PTPRT: variants seen among roughly 807,000 people sequenced by gnomAD.
The protein encoded by PTPRT is protein tyrosine phosphatase receptor type T, also known as receptor-type tyrosine-protein phosphatase T.
A neutral mutation model predicts 176.8 loss-of-function variants in PTPRT; 56 were observed. The observed-to-expected ratio is 0.32, with a 90% CI of 0.26 to 0.40. The LOEUF is 0.40. PTPRT is among the 10% of genes least tolerant of loss of function. PTPRT has a pLI of 1.00. For synonymous variants in PTPRT, 783 were observed against 739.0 expected (o/e 1.06, Z -0.96); for missense variants, 1,540 against 1,908.2 (o/e 0.81, Z 3.60).
chr20:42,402,666 G>C (rs542429789), intron 9 of PTPRT, among the ~76,000 whole-genome samples: 2 of 152,128 alleles, frequency 1.3e-5, no homozygotes, highest in South Asian at 4.2e-4. Flanking sequence ...TCAACAGTCT[G>C]GCTTCCAACA....
At chr20:42,257,806 G>A (rs1463495562) in intron 13 of PTPRT, among the ~76,000 whole-genome samples, 1 of 151,840 alleles carries the variant, frequency 6.6e-6, no homozygotes, top group African/African-American at 2.4e-5. Context: ...AGCCAATGAA[G>A]CCTCTTTTCT....
intron 16 of PTPRT, among the ~76,000 whole-genome samples, chr20:42,175,817 G>A (rs1349910387): frequency 1.3e-5 from 2 of 152,016 alleles, no homozygotes; most frequent in Non-Finnish European, 2.9e-5. Flanking sequence ...TGGATAGATG[G>A]GAAGATAGGT....
chr20:43,165,758 T>C (rs1600764669), intron 1 of PTPRT, among the ~76,000 whole-genome samples: 1 of 152,298 alleles, frequency 6.6e-6, no homozygotes, highest in Middle Eastern at 3.4e-3. Context: ...TGGTCTGACT[T>C]ACGTTTTTAA....
intron 12 of PTPRT, among the ~76,000 whole-genome samples, chr20:42,303,637 T>C (rs898832068): frequency 1.2e-4 from 19 of 152,178 alleles, no homozygotes; most frequent in African/African-American, 4.6e-4. Context: ...TGAGAATACA[T>C]ATAGTGCCAA....
chr20:42,492,221 G>C (rs1568926249), intron 7 of PTPRT, among the ~76,000 whole-genome samples: 1 of 152,086 alleles, frequency 6.6e-6, no homozygotes, highest in African/African-American at 2.4e-5. Flanking sequence ...ATAATTGCTG[G>C]ATCATATAGT....
intron 7 of PTPRT, among the ~76,000 whole-genome samples, chr20:42,499,180 T>A (rs2071706012): frequency 6.6e-6 from 1 of 152,194 alleles, no homozygotes; most frequent in Admixed American, 6.5e-5. Context: ...ACTGTACTAC[T>A]GTGGCAATTT....
At chr20:42,605,578 G>A (rs1217481121) in intron 7 of PTPRT, among the ~76,000 whole-genome samples, 2 of 152,204 alleles carry the variant, frequency 1.3e-5, no homozygotes, top group Non-Finnish European at 2.9e-5. Context: ...ATCCAAATAT[G>A]CTTCATACCT....
intron 15 of PTPRT, among the ~76,000 whole-genome samples, chr20:42,210,274 C>T (rs1456438012): frequency 6.6e-6 from 1 of 152,168 alleles, no homozygotes; most frequent in Non-Finnish European, 1.5e-5. Context: ...TCCTATTCAA[C>T]ACAGTGTTGG....
intron 7 of PTPRT, among the ~76,000 whole-genome samples, chr20:42,648,305 C>G (rs1052739150): frequency 6.6e-6 from 1 of 152,102 alleles, no homozygotes; most frequent in African/African-American, 2.4e-5. Flanking sequence ...GGTGCTTTGT[C>G]CTTACTCTAC....
intron 12 of PTPRT, among the ~76,000 whole-genome samples, chr20:42,298,163 A>C (rs1194787873): frequency 6.6e-6 from 1 of 152,226 alleles, no homozygotes; most frequent in Non-Finnish European, 1.5e-5. Context: ...TGATAGAAAA[A>C]GTAAAAAACA....
At chr20:42,060,066 T>C in the PTPRT span, among the ~76,000 whole-genome samples, 1 of 152,190 alleles carries the variant, frequency 6.6e-6, no homozygotes, top group Non-Finnish European at 1.5e-5. Context: ...CTTGTTTGGC[T>C]TGGCACTTTC....
intron 27 of PTPRT, among the ~76,000 whole-genome samples, chr20:42,092,023 C>G (rs2425469): frequency 0.68 from 103,873 of 152,088 alleles, 36,046 homozygotes; most frequent in African/African-American, 0.8. Flanking sequence ...TTAAGAAAGA[C>G]GTACTAAGGA....
chr20:42,592,887 T>C (rs1178412782), intron 7 of PTPRT, among the ~76,000 whole-genome samples: 1 of 152,222 alleles, frequency 6.6e-6, no homozygotes, highest in Non-Finnish European at 1.5e-5. Context: ...AAGAGTCTTC[T>C]GTATCCTTTG....
At chr20:42,374,322 A>G (rs892604744) in intron 9 of PTPRT, among the ~76,000 whole-genome samples, 7 of 152,228 alleles carry the variant, frequency 4.6e-5, no homozygotes, top group Admixed American at 4.6e-4. Context: ...TGTCAAACGT[A>G]AAATAAATAA....
chr20:43,176,208 A>G (rs912198179), intron 1 of PTPRT, among the ~76,000 whole-genome samples: 2 of 65,232 alleles, frequency 3.1e-5, no homozygotes, highest in Non-Finnish European at 6.5e-5. Flanking sequence ...TGACTGTGCC[A>G]CTGCACTCTA....
At chr20:42,363,599 C>T (rs778553935) in intron 9 of PTPRT, among the ~76,000 whole-genome samples, 18 of 151,932 alleles carry the variant, frequency 1.2e-4, no homozygotes, top group South Asian at 6.2e-4. Context: ...CATGAGTCAC[C>T]GTGCCCGGCC....
intron 6 of PTPRT, among the ~76,000 whole-genome samples, chr20:42,740,972 TGAGA>T (rs980354477): frequency 3.9e-5 from 6 of 151,994 alleles, no homozygotes; most frequent in Non-Finnish European, 8.8e-5. Flanking sequence ...CCAAAGAACT[TGAGA>T]GAGAGAGTGT....
chr20:42,762,981 C>T (rs1008462031), intron 5 of PTPRT, among the ~76,000 whole-genome samples: 1 of 152,206 alleles, frequency 6.6e-6, no homozygotes. Context: ...AGAGCACACA[C>T]TCATTGGAAG....
the PTPRT span, among the ~76,000 whole-genome samples, chr20:42,060,241 A>G: frequency 6.6e-6 from 1 of 152,190 alleles, no homozygotes. Flanking sequence ...TAGGGTCTTT[A>G]TACAACATTG....
Sources: allele counts gnomAD v4.1 joint callset (sites outside exome capture counted in the v4.1 genomes callset), GRCh38; gene constraint gnomAD v4.1.1; transcripts MANE v1.5; gene names NCBI Gene and HGNC (gene_info 2026-07-23, HGNC 2026-07-21).